Variants in ARAP2 observed in about 807,000 individuals in gnomAD.
The protein encoded by ARAP2 is arf-GAP with Rho-GAP domain, ANK repeat and PH domain-containing protein 2.
A neutral mutation model predicts 194.5 loss-of-function variants in ARAP2; 148 were observed. The observed-to-expected ratio is 0.76, with a 90% CI of 0.67 to 0.87. The LOEUF (loss-of-function observed/expected upper bound fraction) is 0.87, where lower values mean the gene tolerates loss of function less well. Among genes scored for constraint, ARAP2 ranks in the 40% least tolerant of loss-of-function variants. The pLI is 0.00. For missense variants in ARAP2, 2,128 were observed against 1,989.7 expected (o/e 1.07, Z -1.32); for synonymous variants, 695 against 683.5 (o/e 1.02, Z -0.26).
chr4:36,089,662 G>T (rs1443097273), intron 28 of ARAP2, among the ~76,000 whole-genome samples: 1 of 152,004 alleles, frequency 6.6e-6, no homozygotes, highest in Non-Finnish European at 1.5e-5. Context: ...TGTGGTTCTA[G>T]TTTTAATTTC....
At chr4:36,110,308 T>G (rs376865479) in intron 26 of ARAP2, among the ~76,000 whole-genome samples, 8 of 152,010 alleles carry the variant, frequency 5.3e-5, no homozygotes, top group Admixed American at 3.9e-4. Flanking sequence ...GCAGTTTATG[T>G]GTCAGTCAGA....
rs765164377 is a variant in ARAP2 at position 36,124,950 on chromosome 4, C to T, written c.3658G>A (p.Glu1220Lys). 3.1e-6 allele frequency: 5 copies of T among 1,608,732 alleles called. No individual in the cohort carries two copies. Among genetic ancestry groups the T allele is most frequent in the Non-Finnish European group, 4.2e-6 (5 of 1,176,616 alleles). ...ISALDTQDDK[E>K]RIKKYGAFIR... ...AATGCTCCATATTTTTTAATTCTTTCCTTGTCATCTTGCGTATCTGAAGGG... is the reference window on the plus strand; with the variant it reads ...AATGCTCCATATTTTTTAATTCTTTTCTTGTCATCTTGCGTATCTGAAGGG... The change falls in exon 22 of 33, where the codon GAA becomes AAA. Residue 1220 changes from glutamate (E) to lysine (K), a missense_variant. Coordinates refer to ENST00000303965, the MANE Select transcript of ARAP2 (RefSeq NM_015230.4).
intron 9 of ARAP2, among the ~76,000 whole-genome samples, chr4:36,007,727 G>A (rs1713591377): frequency 1.3e-5 from 2 of 152,098 alleles, no homozygotes; most frequent in African/African-American, 4.8e-5. Context: ...GAATCTCAAT[G>A]ATATTAAATG....
chr4:36,033,321 C>A (rs1044143356), intron 5 of ARAP2, among the ~76,000 whole-genome samples: 18 of 151,750 alleles, frequency 1.2e-4, no homozygotes, highest in African/African-American at 4.3e-4. Context: ...TACTATTTGA[C>A]TTTTTATTAC....
intron 10 of ARAP2, among the ~76,000 whole-genome samples, chr4:36,166,649 C>T (rs1293705191): frequency 2.2e-4 from 33 of 149,702 alleles, no homozygotes; most frequent in African/African-American, 7.9e-4. Flanking sequence ...AGGAATTTAT[C>T]ACATATTTTC....
rs58429072 is a variant in ARAP2, at chr4:36,125,188, C to T, written c.3641-221G>A. 5.3e-3 allele frequency among the ~76,000 whole-genome samples: 808 copies of T among 151,954 alleles called. 11 individuals carry two copies. The highest frequency in any genetic ancestry group is 0.018 in the African/African-American group (761 of 41,506). On this transcript the variant is annotated intron_variant, in intron 21 of 32. Transcript: ENST00000303965. Reference sequence around the variant, plus strand: ...CCAGTATTATGTGCTCTAGTTCTTACAATTTGTAATTTAAAATAAAGAACT... The same window carrying T: ...CCAGTATTATGTGCTCTAGTTCTTATAATTTGTAATTTAAAATAAAGAACT...
At chr4:36,039,427 G>T (rs1003720496) in intron 5 of ARAP2, among the ~76,000 whole-genome samples, 1 of 152,206 alleles carries the variant, frequency 6.6e-6, no homozygotes, top group African/African-American at 2.4e-5. Flanking sequence ...TAATTGGCAT[G>T]TTCCTGCTTA....
At chr4:36,198,633 T>G (rs190183061) in intron 6 of ARAP2, among the ~76,000 whole-genome samples, 77 of 152,340 alleles carry the variant, frequency 5.1e-4, no homozygotes, top group African/African-American at 1.8e-3. Context: ...GGAGCTGGCA[T>G]GTCAGCACTT....
chr4:36,244,616 GTGAC>G (rs1038605794), upstream of ARAP2: 21 of 151,872 alleles, frequency 1.4e-4, no homozygotes, highest in African/African-American at 4.6e-4. Context: ...GCATAGTTGG[GTGAC>G]TGACTCAGAC....
intron 15 of ARAP2, chr4:36,157,270 A>G (rs1344064311): frequency 6.6e-6 from 1 of 152,280 alleles, no homozygotes; most frequent in Admixed American, 6.5e-5. Context: ...AAAGTACCGT[A>G]ATTATTTTGA....
chr4:36,227,328 T>C (rs1458462298), intron 2 of ARAP2, among the ~76,000 whole-genome samples: 1 of 152,192 alleles, frequency 6.6e-6, no homozygotes, highest in East Asian at 1.9e-4. Context: ...AGTTGTTTAA[T>C]AAATGTGGTT....
chr4:36,206,891 A>G (rs993602230), intron 6 of ARAP2, among the ~76,000 whole-genome samples: 1 of 152,230 alleles, frequency 6.6e-6, no homozygotes, highest in African/African-American at 2.4e-5. Flanking sequence ...GAATTTCCCC[A>G]AGTAAGAAAG....
At chr4:36,160,992 CA>C (rs1433994110) in intron 12 of ARAP2, among the ~76,000 whole-genome samples, 1 of 152,094 alleles carries the variant, frequency 6.6e-6, no homozygotes, top group Non-Finnish European at 1.5e-5. Flanking sequence ...GGTGGTGGAA[CA>C]AGGAGCCAAA....
chr4:36,172,996 G>A (rs981620487), intron 9 of ARAP2, among the ~76,000 whole-genome samples: 1 of 152,086 alleles, frequency 6.6e-6, no homozygotes, highest in East Asian at 1.9e-4. Context: ...GGAACATTAT[G>A]TTGGGGGGGA....
intron 26 of ARAP2, among the ~76,000 whole-genome samples, chr4:36,110,739 C>T (rs1273363429): frequency 2.6e-5 from 4 of 151,838 alleles, no homozygotes; most frequent in Admixed American, 6.6e-5. Flanking sequence ...AAGATGACTG[C>T]TGTTTTAGTC....
intron 2 of ARAP2, among the ~76,000 whole-genome samples, chr4:36,053,253 C>T (rs1404960668): frequency 6.6e-6 from 1 of 151,996 alleles, no homozygotes; most frequent in Non-Finnish European, 1.5e-5. Context: ...ATCCACCCGC[C>T]TTGGCCTCCC....
chr4:36,228,620 T>C lies in ARAP2; in HGVS notation c.867A>G (p.Val289=). Residue 289 remains valine (V), a synonymous_variant, in exon 2 of 33, where the codon GTA becomes GTG. Coordinates refer to ENST00000303965, the MANE Select transcript of ARAP2 (RefSeq NM_015230.4). Reference sequence around the variant, plus strand: ...CTTTTGTTGACCCTGGAATCTCTGGTACAGGTCGATGTCTTAGCAGAAAAG... The same window carrying C: ...CTTTTGTTGACCCTGGAATCTCTGGCACAGGTCGATGTCTTAGCAGAAAAG... ...SRSFLLRHRP[V]PEIPGSTKGV... 1 of 1,613,648 alleles carries C rather than the reference T, an allele frequency of 6.2e-7. No homozygotes were observed. The highest frequency in any genetic ancestry group is 8.5e-7 in the Non-Finnish European group (1 of 1,179,770).
At chr4:36,150,627 C>T (rs1010042107) in intron 16 of ARAP2, among the ~76,000 whole-genome samples, 14 of 150,854 alleles carry the variant, frequency 9.3e-5, no homozygotes, top group South Asian at 4.2e-4. Flanking sequence ...GGTGATAGAG[C>T]GAGACTCCAT....
At chr4:36,142,904 TA>T (rs1224355483) in intron 19 of ARAP2, among the ~76,000 whole-genome samples, 1 of 151,780 alleles carries the variant, frequency 6.6e-6, no homozygotes, top group African/African-American at 2.4e-5. Flanking sequence ...ATCTTATCCA[TA>T]AAAAATAACT....
Sources: gnomAD v4.1 joint callset for allele counts (sites outside exome capture counted in the v4.1 genomes callset) on GRCh38, gnomAD v4.1.1 for gene constraint, MANE v1.5 for transcripts, NCBI Gene and HGNC (gene_info 2026-07-23, HGNC 2026-07-21) for gene names.